The following STIM2 variants were observed in gnomAD, a reference collection of about 807,000 sequenced individuals.
STIM2 encodes the protein stromal interaction molecule 2.
A neutral mutation model predicts 85.8 loss-of-function variants in STIM2; 31 were observed. The ratio of observed to expected loss-of-function variants is 0.36; its 90% CI spans 0.27 to 0.49. The LOEUF (loss-of-function observed/expected upper bound fraction) is 0.49, where lower values mean the gene tolerates loss of function less well. STIM2 is among the 20% of genes least tolerant of loss of function. The pLI, the probability that STIM2 is intolerant of heterozygous loss-of-function variation, is 0.98. For missense variants in STIM2, 841 were observed against 927.6 expected, an observed-to-expected ratio of 0.91 and a Z score of 1.21; for synonymous variants, 356 against 331.1, an observed-to-expected ratio of 1.08 and a Z score of -0.82.
chr4:26,895,103 C>T lies in STIM2; in HGVS notation c.152-24401C>T, dbSNP rs191957788. On this transcript the variant is annotated intron_variant, in intron 1 of 11. Transcript: ENST00000467087. ...GGCGCACGCCTGAAATCTCAGCTATCCAGGAGGGTGAGTTAGGAGAATTGC... is the reference window on the plus strand; with the variant it reads ...GGCGCACGCCTGAAATCTCAGCTATTCAGGAGGGTGAGTTAGGAGAATTGC... Among the ~76,000 whole-genome samples the T allele has an allele frequency of 1.6e-3, 244 of 152,256 alleles. 2 individuals are homozygous for T. The highest frequency in any genetic ancestry group is 2.5e-3 in the Non-Finnish European group (167 of 68,012).
At chr4:26,932,742 G>A (rs906495660) in intron 2 of STIM2, among the ~76,000 whole-genome samples, 14 of 152,184 alleles carry the variant, frequency 9.2e-5, no homozygotes, top group Admixed American at 5.2e-4. Context: ...GAGCTAAGCA[G>A]CAGCAGCAAC....
At chr4:26,958,851 T>C (rs928313209) in intron 3 of STIM2, among the ~76,000 whole-genome samples, 1 of 152,158 alleles carries the variant, frequency 6.6e-6, no homozygotes, top group African/African-American at 2.4e-5. Flanking sequence ...AATCCATAGA[T>C]ACTAAGAAGG....
chr4:27,019,564 GCT>G, intron 11 of STIM2: 1 of 1,081,070 alleles, frequency 9.3e-7, no homozygotes, highest in South Asian at 1.3e-5. Context: ...TTCATAGCTA[GCT>G]CTCATAAATA....
At chr4:26,886,905 C>G (rs1228812994) in intron 1 of STIM2, among the ~76,000 whole-genome samples, 3 of 152,090 alleles carry the variant, frequency 2.0e-5, no homozygotes, top group East Asian at 3.8e-4. Context: ...AGGCTTTTGT[C>G]CGGGGAGAGA....
intron 1 of STIM2, among the ~76,000 whole-genome samples, chr4:26,876,744 A>G (rs931654983): frequency 1.3e-5 from 2 of 152,150 alleles, no homozygotes; most frequent in Non-Finnish European, 1.5e-5. Context: ...AAACTATAGT[A>G]TGTGTTTAAT....
chr4:26,996,651 C>T (rs1467624322), intron 4 of STIM2, among the ~76,000 whole-genome samples: 1 of 151,914 alleles, frequency 6.6e-6, no homozygotes, highest in Non-Finnish European at 1.5e-5. Context: ...TACTGAATAT[C>T]TTTTATGTTC....
chr4:27,015,120 T>C (rs1728690421), intron 10 of STIM2, among the ~76,000 whole-genome samples: 2 of 152,044 alleles, frequency 1.3e-5, no homozygotes, highest in African/African-American at 4.8e-5. Flanking sequence ...AATATGTTTC[T>C]GGCTAAGTTA....
At chr4:26,972,567 GCCTTA>G (rs1285812334) in intron 3 of STIM2, among the ~76,000 whole-genome samples, 2 of 152,214 alleles carry the variant, frequency 1.3e-5, no homozygotes, top group African/African-American at 4.8e-5. Flanking sequence ...TGTTGAACCA[GCCTTA>G]CATCTGAGGG....
chr4:26,882,426 T>A (rs891792821), intron 1 of STIM2, among the ~76,000 whole-genome samples: 1 of 149,210 alleles, frequency 6.7e-6, no homozygotes, highest in African/African-American at 2.5e-5. Flanking sequence ...TCTAGAAACC[T>A]AGTTTCTTAA....
At chr4:26,952,296 G>A (rs1423332162) in intron 2 of STIM2, among the ~76,000 whole-genome samples, 1 of 152,024 alleles carries the variant, frequency 6.6e-6, no homozygotes, top group Non-Finnish European at 1.5e-5. Context: ...TTAAGATTTG[G>A]TATTGCTGTT....
In STIM2 at chr4:26,861,325, C is replaced by T. The variant is rs770231794; in HGVS notation, c.107C>T (p.Ser36Phe). The T allele has an allele frequency of 6.5e-6, 9 of 1,390,848 alleles. No homozygotes were observed. In the East Asian group the frequency reaches 9.3e-5, roughly 14 times the overall value. The allele number at this position is 1,390,848 out of a possible 1,614,324, so 86.2% of individuals were successfully genotyped here. Residue 36 changes from serine to phenylalanine, a missense_variant, in exon 1 of 12, where the codon TCC becomes TTC. Ser to Phe is a radical substitution (Grantham distance 155). Coordinates refer to ENST00000467087, the MANE Select transcript of STIM2 (RefSeq NM_020860.4). ...ACTGGCTCTGCCGCAACTGCCGCCT[C>T]CTCTCCCGCCGCGGCGGCCGGCGAT...
intron 10 of STIM2, 105 bp from the exon 11 acceptor site, chr4:27,017,606 C>G: frequency 7.3e-7 from 1 of 1,372,994 alleles, no homozygotes; most frequent in Non-Finnish European, 1.0e-6. Flanking sequence ...GGAGATGAAA[C>G]AGTGACATAT....
intron 1 of STIM2, among the ~76,000 whole-genome samples, chr4:26,866,173 C>G (rs1722402834): frequency 6.6e-6 from 1 of 152,140 alleles, no homozygotes; most frequent in South Asian, 2.1e-4. Context: ...AACCCTTACC[C>G]CTCCTCTTAC....
In STIM2 at chr4:26,861,161, C is replaced by A. The variant is rs779774883; in HGVS notation, c.-58C>A. 3 of 1,358,438 alleles carry A rather than the reference C, an allele frequency of 2.2e-6. No homozygotes were observed. Among genetic ancestry groups the A allele is most frequent in the East Asian group, 3.1e-5 (1 of 32,372 alleles). The allele number at this position is 1,358,438 out of a possible 1,614,324, so 84.1% of individuals were successfully genotyped here. A position where few individuals can be genotyped will look rare whatever the true frequency, so the allele number is the denominator to read the frequency against. On this transcript the variant is annotated 5_prime_UTR_variant, in exon 1 of 12. Transcript: ENST00000467087. Reference sequence around the variant, plus strand: ...CGGCTTCTCCTCGGCGCCTTCATCCCGCCTCGACTCCTGGCCCAGCGTGGG... The same window carrying A: ...CGGCTTCTCCTCGGCGCCTTCATCCAGCCTCGACTCCTGGCCCAGCGTGGG...
chr4:26,874,852 A>G (rs1190615836), intron 1 of STIM2, among the ~76,000 whole-genome samples: 1 of 152,208 alleles, frequency 6.6e-6, no homozygotes, highest in East Asian at 1.9e-4. Context: ...GTACCGGAGA[A>G]GTAGGAGAAA....
chr4:26,914,074 A>C (rs1009570389), intron 1 of STIM2, among the ~76,000 whole-genome samples: 1 of 152,252 alleles, frequency 6.6e-6, no homozygotes, highest in Admixed American at 6.5e-5. Context: ...AGCTTTGCCA[A>C]TGGAGGAAAC....
chr4:27,003,693 C>T lies in STIM2; in HGVS notation c.981+589C>T, dbSNP rs75514737. On this transcript the variant is annotated intron_variant, in intron 7 of 11. Transcript: ENST00000467087. ...CCTGCTGTAAAAAGAAAAAAAAAAG[C>T]CACAAACTTAGTGGTTTAAATAAAC... 4.2e-3 allele frequency among the ~76,000 whole-genome samples: 636 copies of T among 151,778 alleles called. 6 individuals carry two copies. The highest frequency in any genetic ancestry group is 0.015 in the African/African-American group (604 of 41,384).
At chr4:26,892,840 T>A (rs1030287077) in intron 1 of STIM2, among the ~76,000 whole-genome samples, 3 of 152,214 alleles carry the variant, frequency 2.0e-5, no homozygotes, top group Non-Finnish European at 2.9e-5. Flanking sequence ...GCAGTTTTTA[T>A]TAACACACGT....
At chr4:27,001,681 G>T (rs1423219681) in intron 5 of STIM2, among the ~76,000 whole-genome samples, 1 of 152,194 alleles carries the variant, frequency 6.6e-6, no homozygotes, top group African/African-American at 2.4e-5. Context: ...TCAAATGTCT[G>T]CTAGGGGTGG....
Sources: gnomAD v4.1 joint callset for allele counts (sites outside exome capture counted in the v4.1 genomes callset) on GRCh38, gnomAD v4.1.1 for gene constraint, MANE v1.5 for transcripts, NCBI Gene and HGNC (gene_info 2026-07-23, HGNC 2026-07-21) for gene names.